C3orf70: variants seen among roughly 807,000 people sequenced by gnomAD.
C3orf70 encodes UPF0524 protein C3orf70.
Under a neutral mutation model 20.7 loss-of-function variants are expected in C3orf70, and 15 were observed. That is an observed-to-expected ratio of 0.72 (90% CI 0.48 to 1.11). The LOEUF (loss-of-function observed/expected upper bound fraction) is 1.11, where lower values mean the gene tolerates loss of function less well. C3orf70 is among the 50% of genes most tolerant of loss of function. The probability of loss-of-function intolerance (pLI) is 0.00; values close to 1 mark genes in which losing one functional copy is unlikely to be tolerated. For synonymous variants in C3orf70, 161 were observed against 125.7 expected, an observed-to-expected ratio of 1.28 and a Z score of -1.88; for missense variants, 332 against 317.6, an observed-to-expected ratio of 1.05 and a Z score of -0.34.
At chr3:185,149,366 C>T (rs7633322) in intron 1 of C3orf70, among the ~76,000 whole-genome samples, 2 of 139,284 alleles carry the variant, frequency 1.4e-5, no homozygotes, top group African/African-American at 2.7e-5. Context: ...CACTCCAGCC[C>T]GGGCAACAAG....
chr3:185,110,848 G>A (rs1234303869), intron 1 of C3orf70, among the ~76,000 whole-genome samples: 1 of 152,174 alleles, frequency 6.6e-6, no homozygotes, highest in Non-Finnish European at 1.5e-5. Flanking sequence ...GATACTTTTA[G>A]TTAATTTAAT....
At chr3:185,143,586 C>CT (rs1429568093) in intron 1 of C3orf70, among the ~76,000 whole-genome samples, 1 of 152,082 alleles carries the variant, frequency 6.6e-6, no homozygotes, top group Non-Finnish European at 1.5e-5. Context: ...ACAAAATACT[C>CT]TTAAAATATC....
intron 1 of C3orf70, among the ~76,000 whole-genome samples, chr3:185,127,473 C>G (rs1716436221): frequency 6.6e-6 from 1 of 152,150 alleles, no homozygotes; most frequent in Admixed American, 6.5e-5. Flanking sequence ...GAGTCTCATT[C>G]TTGTCACCCA....
intron 1 of C3orf70, among the ~76,000 whole-genome samples, chr3:185,136,178 T>A (rs994315510): frequency 6.6e-5 from 10 of 152,036 alleles, no homozygotes; most frequent in Non-Finnish European, 1.5e-4. Flanking sequence ...TCAACTAAAG[T>A]CAACTTCACA....
At chr3:185,101,704 G>A (rs1041217582) in intron 1 of C3orf70, among the ~76,000 whole-genome samples, 2 of 152,052 alleles carry the variant, frequency 1.3e-5, no homozygotes, top group African/African-American at 2.4e-5. Flanking sequence ...CTCTGTCAAC[G>A]AGACAACACT....
At chr3:185,149,234 A>C (rs1716935387) in intron 1 of C3orf70, among the ~76,000 whole-genome samples, 1 of 152,144 alleles carries the variant, frequency 6.6e-6, no homozygotes, top group Non-Finnish European at 1.5e-5. Context: ...CTCTACTAAA[A>C]ATATAAAATT....
chr3:185,109,796 T>A (rs1376419525), intron 1 of C3orf70, among the ~76,000 whole-genome samples: 1 of 152,164 alleles, frequency 6.6e-6, no homozygotes, highest in East Asian at 1.9e-4. Context: ...CCATAATAAA[T>A]CTGCTCCTAT....
chr3:185,082,890 T>G lies in C3orf70; in HGVS notation c.*117A>C, dbSNP rs1243697108. The G allele has an allele frequency of 4.3e-6, 4 of 939,940 alleles. No homozygotes were observed. The East Asian group carries it at 9.6e-5, about 23-fold the overall frequency. 58.2% of individuals were successfully genotyped at this position (939,940 alleles called of 1,614,324 possible). The stretch of plus-strand genomic sequence containing the variant: ...CATACCACTGAACTGCTACGGTTGT[T>G]GGTTGGAGCGGGGCGGGGTGGGTAG... On this transcript the variant is annotated 3_prime_UTR_variant, in exon 2 of 2. Coordinates refer to ENST00000335012, the MANE Select transcript of C3orf70 (RefSeq NM_001025266.3).
chr3:185,105,376 G>A (rs980881789), intron 1 of C3orf70, among the ~76,000 whole-genome samples: 13 of 152,232 alleles, frequency 8.5e-5, no homozygotes, highest in African/African-American at 2.4e-4. Flanking sequence ...GTGGAAAACC[G>A]CTTAAAGCCA....
intron 1 of C3orf70, among the ~76,000 whole-genome samples, chr3:185,129,792 A>T (rs1440553512): frequency 6.6e-6 from 1 of 152,242 alleles, no homozygotes; most frequent in East Asian, 1.9e-4. Flanking sequence ...ATATTCAAAC[A>T]AAAGAAAATT....
chr3:185,140,315 C>T (rs1239850851), intron 1 of C3orf70, among the ~76,000 whole-genome samples: 2 of 152,252 alleles, frequency 1.3e-5, no homozygotes, highest in African/African-American at 4.8e-5. Flanking sequence ...GAGAAAATAT[C>T]TGCAAACCAC....
intron 1 of C3orf70, among the ~76,000 whole-genome samples, chr3:185,125,117 C>T (rs766774476): frequency 4.6e-5 from 7 of 152,126 alleles, no homozygotes; most frequent in Non-Finnish European, 8.8e-5. Flanking sequence ...CAGTGGCTCA[C>T]GCCTGCAATC....
chr3:185,091,941 ATATATATATATATATATATATATTTTTTT>A (rs1561330843), intron 1 of C3orf70, among the ~76,000 whole-genome samples: 130 of 7,638 alleles, frequency 0.017, 15 homozygotes, highest in African/African-American at 0.028. Context: ...ATATATATAT[ATATATATATATATATATATATATTTTTTT>A]TTTTTTTTAG....
At chr3:185,129,026 C>T (rs6444032) in intron 1 of C3orf70, among the ~76,000 whole-genome samples, 143,151 of 152,306 alleles carry the variant, frequency 0.94, 67,311 homozygotes, top group Non-Finnish European at 0.95. Flanking sequence ...TTTAAAAGCT[C>T]CTATGAACAT....
intron 1 of C3orf70, among the ~76,000 whole-genome samples, chr3:185,123,178 C>CAAAAAAAAAAAAAAA: frequency 1.1e-5 from 1 of 91,356 alleles, no homozygotes; most frequent in Non-Finnish European, 2.0e-5. Context: ...GACTCCATCT[C>CAAAAAAAAAAAAAAA]AAAAAAAAAA....
chr3:185,112,604 T>C (rs924401537), intron 1 of C3orf70, among the ~76,000 whole-genome samples: 6 of 152,152 alleles, frequency 3.9e-5, no homozygotes, highest in Non-Finnish European at 8.8e-5. Context: ...TATTCATTTA[T>C]TTTTACCATT....
intron 1 of C3orf70, among the ~76,000 whole-genome samples, chr3:185,085,294 G>C (rs1715437100): frequency 6.6e-6 from 1 of 152,134 alleles, no homozygotes; most frequent in Admixed American, 6.5e-5. Context: ...CAGGAGAGTA[G>C]CAATTTCAGA....
chr3:185,130,948 CAT>C (rs1716511699), intron 1 of C3orf70, among the ~76,000 whole-genome samples: 1 of 152,102 alleles, frequency 6.6e-6, no homozygotes, highest in Non-Finnish European at 1.5e-5. Flanking sequence ...TTTTTATGGA[CAT>C]ATGTTTCATT....
intron 1 of C3orf70, among the ~76,000 whole-genome samples, chr3:185,098,289 T>C (rs1715751758): frequency 6.6e-6 from 1 of 152,220 alleles, no homozygotes; most frequent in Non-Finnish European, 1.5e-5. Context: ...AGATAATAAA[T>C]GCTATGTATT....
Sources: allele counts gnomAD v4.1 joint callset (sites outside exome capture counted in the v4.1 genomes callset), GRCh38; gene constraint gnomAD v4.1.1; transcripts MANE v1.5; gene names NCBI Gene and HGNC (gene_info 2026-07-23, HGNC 2026-07-21).